The following APPBP2 variants were observed in gnomAD, a reference collection of about 807,000 sequenced individuals.
APPBP2 encodes the protein amyloid beta precursor protein binding protein 2, also known as amyloid protein-binding protein 2.
Under a neutral mutation model 76.0 loss-of-function variants are expected in APPBP2, and 15 were observed. The observed-to-expected ratio is 0.20, with a 90% CI of 0.13 to 0.30. The LOEUF (loss-of-function observed/expected upper bound fraction) is 0.30, where lower values mean the gene tolerates loss of function less well. APPBP2 is among the 10% of genes least tolerant of loss of function. The probability of loss-of-function intolerance (pLI) is 1.00; values close to 1 mark genes in which losing one functional copy is unlikely to be tolerated. For missense variants in APPBP2, 401 were observed against 687.2 expected, an observed-to-expected ratio of 0.58 and a Z score of 4.66; for synonymous variants, 222 against 242.2, an observed-to-expected ratio of 0.92 and a Z score of 0.77.
At chr17:60,513,190 A>G in intron 1 of APPBP2, 1 of 364,744 alleles carries the variant, frequency 2.7e-6, no homozygotes, top group Non-Finnish European at 5.1e-6. Context: ...CCAAGACAGC[A>G]GTGCAAGCGG....
At chr17:60,515,994 G>A (rs140112094) in intron 1 of APPBP2, among the ~76,000 whole-genome samples, 4 of 152,048 alleles carry the variant, frequency 2.6e-5, no homozygotes, top group Non-Finnish European at 4.4e-5. Flanking sequence ...GTGAAAACCC[G>A]TCTCTACCAA....
intron 3 of APPBP2, among the ~76,000 whole-genome samples, chr17:60,485,510 C>A (rs2090667238): frequency 6.6e-6 from 1 of 152,178 alleles, no homozygotes; most frequent in South Asian, 2.1e-4. Context: ...ATAGTATTCT[C>A]TGATGGTAGT....
intron 1 of APPBP2, among the ~76,000 whole-genome samples, chr17:60,516,073 G>C (rs1049315914): frequency 3.9e-5 from 6 of 152,104 alleles, no homozygotes; most frequent in Non-Finnish European, 8.8e-5. Context: ...AGCTGAGGCA[G>C]AACTGCTTGA....
At chr17:60,479,975 G>A (rs1009434162) in intron 3 of APPBP2, among the ~76,000 whole-genome samples, 2 of 152,168 alleles carry the variant, frequency 1.3e-5, no homozygotes, top group Non-Finnish European at 2.9e-5. Flanking sequence ...AATCCAGTAA[G>A]TGAAAAGATT....
chr17:60,524,132 C>T (rs1484181463), intron 1 of APPBP2, among the ~76,000 whole-genome samples: 2 of 152,196 alleles, frequency 1.3e-5, no homozygotes, highest in African/African-American at 4.8e-5. Flanking sequence ...CTAACAAAAG[C>T]ACCATCTATT....
chr17:60,518,354 CGTGCGTGTGT>C (rs1390002731), intron 1 of APPBP2, among the ~76,000 whole-genome samples: 1 of 71,686 alleles, frequency 1.4e-5, no homozygotes, highest in African/African-American at 1.4e-4. Flanking sequence ...GCCGTGTGTG[CGTGCGTGTGT>C]GTGTGTGTGT....
chr17:60,466,164 G>T, intron 5 of APPBP2, 127 bp downstream of exon 5: 1 of 894,910 alleles, frequency 1.1e-6, no homozygotes, highest in South Asian at 2.0e-5. Context: ...TTACAAATGT[G>T]TACTGCCTTA....
chr17:60,489,889 GT>G (rs2090712738), intron 3 of APPBP2, among the ~76,000 whole-genome samples: 1 of 152,086 alleles, frequency 6.6e-6, no homozygotes, highest in Non-Finnish European at 1.5e-5. Context: ...ACAAAAATTA[GT>G]TGGGTGTGGT....
At chr17:60,488,601 T>C (rs928331958) in intron 3 of APPBP2, among the ~76,000 whole-genome samples, 1 of 152,188 alleles carries the variant, frequency 6.6e-6, no homozygotes, top group Non-Finnish European at 1.5e-5. Flanking sequence ...AAAACTCTTC[T>C]GGTATGACTT....
At chr17:60,488,441 T>C (rs1007341564) in intron 3 of APPBP2, among the ~76,000 whole-genome samples, 3 of 152,216 alleles carry the variant, frequency 2.0e-5, no homozygotes, top group Admixed American at 1.3e-4. Flanking sequence ...AGTACACTTA[T>C]ATAAAATGTC....
intron 1 of APPBP2, among the ~76,000 whole-genome samples, chr17:60,510,810 G>A (rs1257386146): frequency 6.6e-6 from 1 of 152,048 alleles, no homozygotes; most frequent in Non-Finnish European, 1.5e-5. Context: ...TACATTTAAT[G>A]TCCTTTATCT....
intron 4 of APPBP2, among the ~76,000 whole-genome samples, chr17:60,470,890 A>G (rs988783095): frequency 6.6e-6 from 1 of 151,626 alleles, no homozygotes; most frequent in Non-Finnish European, 1.5e-5. Context: ...TCCTGGGTTC[A>G]AGCGATTCTC....
chr17:60,451,029 T>C (rs535660183), intron 12 of APPBP2, among the ~76,000 whole-genome samples: 45 of 152,334 alleles, frequency 3.0e-4, no homozygotes, highest in African/African-American at 1.0e-3. Flanking sequence ...TTTGATTTTG[T>C]AATAGTCCTG....
rs1315009590 is a variant in APPBP2 at position 60,503,356 on chromosome 17, C to T, written c.139-2869G>A. Among the ~76,000 whole-genome samples the T allele has an allele frequency of 1.4e-5, 2 of 145,724 alleles. 1 individual carries two copies. Among genetic ancestry groups the T allele is most frequent in the African/African-American group, 5.6e-5 (2 of 35,428 alleles). On this transcript the variant is annotated intron_variant, in intron 1 of 12. Transcript: ENST00000083182. ...CGGGAAAGGGTAATTTGTTTCAACT[C>T]ATCCTTACCAAGTTTATCTAAAAAA...
chr17:60,473,568 A>T (rs1226914560), intron 4 of APPBP2, among the ~76,000 whole-genome samples: 2 of 152,152 alleles, frequency 1.3e-5, no homozygotes, highest in Non-Finnish European at 2.9e-5. Flanking sequence ...TAAGCCCAGT[A>T]TTTTGGGAGG....
Position 60,447,654 on chromosome 17 carries a change from G to C in APPBP2, c.1685C>G (p.Thr562Ser). 1.2e-6 allele frequency: 2 copies of C among 1,614,082 alleles called. No homozygotes were observed. Among genetic ancestry groups the C allele is most frequent in the Non-Finnish European group, 1.7e-6 (2 of 1,180,026 alleles). Reference protein sequence around the residue: ...SVTDALEDVSTSPQSTEEVVQ... With the variant: ...SVTDALEDVSSSPQSTEEVVQ... ...CACTTCTTCAGTGGACTGGGGGCTG[G>C]TGCTGACATCTTCAAGAGCATCTGT... Residue 562 changes from threonine (T) to serine (S), a missense_variant, in exon 13 of 13, where the codon ACC becomes AGC. Around this residue, in one of 5 missense-constraint regions of APPBP2, gnomAD observed 56 missense variants for 76.5 expected, o/e 0.73. Transcript: ENST00000083182.
Position 60,444,124 on chromosome 17 carries a change from C to T in APPBP2, c.*3457G>A, listed in dbSNP as rs1269824867. The T allele has an allele frequency of 1.5e-5, 2 of 137,728 alleles. No individual in the cohort carries two copies. The highest frequency in any genetic ancestry group is 1.9e-4 in the East Asian group (1 of 5,172). The allele number at this position is 137,728 out of a possible 1,614,324, so 8.5% of individuals were successfully genotyped here. A position where few individuals can be genotyped will look rare whatever the true frequency, so the allele number is the denominator to read the frequency against. On this transcript the variant is annotated 3_prime_UTR_variant, in exon 13 of 13. Coordinates refer to ENST00000083182, the MANE Select transcript of APPBP2 (RefSeq NM_006380.5). Reference sequence around the variant, plus strand: ...AGCCTGGGCAACAAGAGCGAAACTCCGTCTGAAAAAAAAAAAAAAAATTTC... The same window carrying T: ...AGCCTGGGCAACAAGAGCGAAACTCTGTCTGAAAAAAAAAAAAAAAATTTC...
chr17:60,505,920 T>C (rs1159245974), intron 1 of APPBP2, among the ~76,000 whole-genome samples: 1 of 151,542 alleles, frequency 6.6e-6, no homozygotes. Context: ...CTGACCTAGG[T>C]GATCCACCTG....
chr17:60,458,140 CT>C lies in APPBP2; in HGVS notation c.1062-1760del, dbSNP rs201529470. Among the ~76,000 whole-genome samples the C allele has an allele frequency of 1.1e-3, 162 of 152,230 alleles. 2 individuals are homozygous for C. In the East Asian group the frequency reaches 0.03, roughly 28 times the overall value. On this transcript the variant is annotated intron_variant, in intron 9 of 12. Transcript: ENST00000083182. ...TAGCATGTAACAGTTACTTTAAAAT[CT>C]GCCCTTTTCCAGCCAGGCATGGTGG...
Sources: gnomAD v4.1 joint callset for allele counts (sites outside exome capture counted in the v4.1 genomes callset) on GRCh38, gnomAD v4.1.1 for gene constraint, gnomAD v4.1.1 regional missense constraint, MANE v1.5 for transcripts, NCBI Gene and HGNC (gene_info 2026-07-23, HGNC 2026-07-21) for gene names.